The following KLC1 variants were observed in gnomAD, a reference collection of about 807,000 sequenced individuals.
The protein encoded by KLC1 is kinesin light chain 1.
KLC1 carries 30 observed loss-of-function variants against 84.2 expected under a neutral mutation model. The ratio of observed to expected loss-of-function variants is 0.36; its 90% CI spans 0.27 to 0.48. KLC1 has a LOEUF of 0.48. Ranked by LOEUF, KLC1 falls within the 20% of genes least tolerant of loss-of-function variation. KLC1 has a pLI of 0.99. For synonymous variants in KLC1, 289 were observed against 293.3 expected, an observed-to-expected ratio of 0.99 and a Z score of 0.15; for missense variants, 499 against 805.4, an observed-to-expected ratio of 0.62 and a Z score of 4.60.
chr14:103,633,520 TGG>T (rs1163976511), intron 1 of KLC1, among the ~76,000 whole-genome samples: 4 of 151,794 alleles, frequency 2.6e-5, no homozygotes, highest in Non-Finnish European at 5.9e-5. Context: ...AGAAGCTAGG[TGG>T]GGGCAGGGGC....
At chr14:103,629,994 G>T (rs2076551579) in intron 1 of KLC1, among the ~76,000 whole-genome samples, 1 of 151,986 alleles carries the variant, frequency 6.6e-6, no homozygotes, top group Non-Finnish European at 1.5e-5. Flanking sequence ...TTCCACCCCC[G>T]CCTCTCCCGG....
intron 7 of KLC1, among the ~76,000 whole-genome samples, chr14:103,672,168 G>T (rs1047634332): frequency 2.0e-5 from 3 of 152,130 alleles, no homozygotes; most frequent in African/African-American, 7.2e-5. Context: ...GGGAAGGTCG[G>T]TGTTGGAACT....
rs558904692 is a variant in KLC1, at chr14:103,657,549, A to G, written c.265A>G (p.Met89Val). ...GCACACGTTTCTGTCTGCTCAGGTT[A>G]TGATGGCTTTGTCAAATCACCTGAA... The part of the protein sequence containing the change: ...LELGLSEAQV[M>V]MALSNHLNAV... The change falls in exon 3 of 17, where the codon ATG (methionine) becomes GTG (valine). Residue 89 changes from methionine (M) to valine (V), a missense_variant. Coordinates refer to ENST00000334553, the MANE Select transcript of KLC1 (RefSeq NM_001394837.1). The G allele has an allele frequency of 4.3e-6, 7 of 1,613,666 alleles. No individual in the cohort carries two copies. Among genetic ancestry groups the G allele is most frequent in the African/African-American group, 1.3e-5 (1 of 75,050 alleles).
chr14:103,682,075 T>G (rs2081386432), intron 13 of KLC1, among the ~76,000 whole-genome samples: 1 of 152,086 alleles, frequency 6.6e-6, no homozygotes, highest in Non-Finnish European at 1.5e-5. Context: ...GAGGTAAATG[T>G]TAAGACTATA....
At chr14:103,666,654 A>G (rs76593403) in intron 5 of KLC1, among the ~76,000 whole-genome samples, 4 of 148,440 alleles carry the variant, frequency 2.7e-5, no homozygotes, top group African/African-American at 1.0e-4. Flanking sequence ...CTGGAGTGCA[A>G]TGGTGTGATC....
chr14:103,638,023 G>A (rs764125721), intron 1 of KLC1, among the ~76,000 whole-genome samples: 1 of 152,018 alleles, frequency 6.6e-6, no homozygotes, highest in Non-Finnish European at 1.5e-5. Flanking sequence ...TGAATATGAC[G>A]TGGACTGTTC....
intron 13 of KLC1, chr14:103,686,339 C>A: frequency 2.2e-6 from 1 of 454,416 alleles, no homozygotes; most frequent in Non-Finnish European, 2.9e-6. Context: ...CCAAGGAGTT[C>A]CTTCCAAGAA....
intron 5 of KLC1, among the ~76,000 whole-genome samples, chr14:103,663,431 G>T (rs1469958812): frequency 6.6e-6 from 1 of 152,166 alleles, no homozygotes; most frequent in East Asian, 1.9e-4. Flanking sequence ...AACAGATGCT[G>T]CCCGTGACCA....
At chr14:103,632,561 CA>C (rs1038467049) in intron 1 of KLC1, among the ~76,000 whole-genome samples, 5 of 151,180 alleles carry the variant, frequency 3.3e-5, no homozygotes, top group Non-Finnish European at 7.4e-5. Flanking sequence ...ACTAAAAATA[CA>C]AAAAAAACCA....
chr14:103,689,446 C>T (rs1194010511), intron 14 of KLC1, among the ~76,000 whole-genome samples: 3 of 152,208 alleles, frequency 2.0e-5, no homozygotes, highest in East Asian at 3.8e-4. Context: ...CACGGACTAA[C>T]GTTTTCTACA....
At chr14:103,646,436 G>A (rs568509892) in intron 1 of KLC1, among the ~76,000 whole-genome samples, 1 of 152,052 alleles carries the variant, frequency 6.6e-6, no homozygotes, top group African/African-American at 2.4e-5. Context: ...AAGTAGTTGG[G>A]AGTACAGGCA....
intron 1 of KLC1, among the ~76,000 whole-genome samples, chr14:103,634,316 G>C (rs1486364250): frequency 6.6e-6 from 1 of 152,108 alleles, no homozygotes; most frequent in Admixed American, 6.6e-5. Context: ...TTTGTTGAAG[G>C]AATGCATCTA....
At position 103,667,055 on chromosome 14, in the gene KLC1, A is replaced by G. The variant is rs111306245; in HGVS notation, c.798-2456A>G. On this transcript the variant is annotated intron_variant, in intron 5 of 16. Transcript: ENST00000334553. ...TAGCCTCGCAAAGTGTTGGGATTAC[A>G]GGCGTGAGCCACCATGTCCGGCCTC... 3.7e-3 allele frequency among the ~76,000 whole-genome samples: 568 copies of G among 152,280 alleles called. 4 individuals are homozygous for G. The highest frequency in any genetic ancestry group is 0.013 in the African/African-American group (549 of 41,550).
At chr14:103,687,824 A>G (rs1456367235) in intron 14 of KLC1, 2 of 152,160 alleles carry the variant, frequency 1.3e-5, no homozygotes, top group Admixed American at 1.3e-4. Context: ...GGTTCTTAAG[A>G]TATCCTTTGT....
chr14:103,657,754 A>T lies in KLC1; in HGVS notation c.470A>T (p.Tyr157Phe). The change falls in exon 3 of 17, where the codon TAT becomes TTT. Residue 157 changes from tyrosine to phenylalanine, a missense_variant. Transcript: ENST00000334553. ...HLEFMNQLKK[Y>F]DDDISPSEDK... The stretch of plus-strand genomic sequence containing the variant: ...GAGTTTATGAATCAGCTAAAAAAAT[A>T]TGATGACGACATTTCCCCATCCGTG... 6.2e-7 allele frequency: 1 copy of T among 1,613,984 alleles called. No homozygotes were observed. Among genetic ancestry groups the T allele is most frequent in the South Asian group, 1.1e-5 (1 of 91,080 alleles).
intron 1 of KLC1, among the ~76,000 whole-genome samples, chr14:103,639,532 TC>T (rs1005581760): frequency 3.5e-4 from 53 of 152,090 alleles, no homozygotes; most frequent in Admixed American, 2.0e-3. Flanking sequence ...AGCCTTGAGC[TC>T]CCAGGCTCAA....
intron 1 of KLC1, among the ~76,000 whole-genome samples, chr14:103,651,906 C>T (rs943432589): frequency 2.0e-5 from 3 of 152,232 alleles, no homozygotes; most frequent in Admixed American, 2.0e-4. Flanking sequence ...CCCCCCACCA[C>T]CGTGTTCCGC....
chr14:103,696,760 T>C (rs2082559283), intron 15 of KLC1: 4 of 985,392 alleles, frequency 4.1e-6, no homozygotes, highest in Non-Finnish European at 4.8e-6. Context: ...TTTTATAATA[T>C]GGTGAGGCAA....
intron 7 of KLC1, 79 bp from the exon 8 acceptor site, chr14:103,672,935 C>T: frequency 7.7e-7 from 1 of 1,297,570 alleles, no homozygotes; most frequent in Non-Finnish European, 1.1e-6. Context: ...TGAGGAAGAT[C>T]CTGATGTGAC....
Sources: allele counts gnomAD v4.1 joint callset (sites outside exome capture counted in the v4.1 genomes callset), GRCh38; gene constraint gnomAD v4.1.1; transcripts MANE v1.5; gene names NCBI Gene and HGNC (gene_info 2026-07-23, HGNC 2026-07-21).